The following TP53BP2 variants were observed in gnomAD, a reference collection of about 807,000 sequenced individuals.
TP53BP2 encodes the protein apoptosis-stimulating of p53 protein 2.
TP53BP2 carries 62 observed loss-of-function variants against 126.2 expected under a neutral mutation model. The observed-to-expected ratio is 0.49, with a 90% CI of 0.40 to 0.61. The LOEUF is 0.61. Among genes scored for constraint, TP53BP2 ranks in the 20% least tolerant of loss-of-function variants. The pLI, the probability that TP53BP2 is intolerant of heterozygous loss-of-function variation, is 0.00. For missense variants in TP53BP2, 1,215 were observed against 1,402.8 expected (o/e 0.87, Z 2.14); for synonymous variants, 485 against 502.9 (o/e 0.96, Z 0.48).
At chr1:223,801,777 G>C (rs1662533533) in intron 9 of TP53BP2, among the ~76,000 whole-genome samples, 1 of 152,206 alleles carries the variant, frequency 6.6e-6, no homozygotes, top group African/African-American at 2.4e-5. Flanking sequence ...AAACACATAT[G>C]TTTTTACCCA....
At position 223,796,790 on chromosome 1, in the gene TP53BP2, T is replaced by C. The variant is rs1662340868; in HGVS notation, c.1949-200A>G. Among the ~76,000 whole-genome samples the C allele has an allele frequency of 6.6e-6, 1 of 152,098 alleles. No individual in the cohort carries two copies. The highest frequency in any genetic ancestry group is 2.4e-5 in the African/African-American group (1 of 41,412). On this transcript the variant is annotated intron_variant, in intron 12 of 17. Transcript: ENST00000343537. This position sits in a 1 kb window ranked among gnomAD's most constrained non-coding sequence, Gnocchi z 4.2. Reference sequence around the variant, plus strand: ...TTTGCATAATAAACTTATTACAGAATCAAAACCCCCACTGATTGTAACATG... The same window carrying C: ...TTTGCATAATAAACTTATTACAGAACCAAAACCCCCACTGATTGTAACATG...
intron 15 of TP53BP2, 63 bp from the exon 16 acceptor site, chr1:223,789,237 A>G (rs1049524439): frequency 1.7e-5 from 26 of 1,565,204 alleles, no homozygotes; most frequent in Non-Finnish European, 2.0e-5. Flanking sequence ...TGCTGATAAG[A>G]TATCTGGAAA....
intron 1 of TP53BP2, among the ~76,000 whole-genome samples, chr1:223,843,181 C>CTTT (rs58598832): frequency 6.8e-6 from 1 of 146,370 alleles, no homozygotes. Flanking sequence ...TTTATTTGCA[C>CTTT]TTTTTTTTTT....
chr1:223,780,986 T>C lies in TP53BP2; in HGVS notation c.3364-92A>G, dbSNP rs546905271. 19 of 1,222,328 alleles carry C rather than the reference T, an allele frequency of 1.6e-5. No individual in the cohort carries two copies. In the East Asian group the frequency reaches 4.3e-4, roughly 28 times the overall value. The allele number at this position is 1,222,328 out of a possible 1,614,324, so 75.7% of individuals were successfully genotyped here. On this transcript the variant is annotated intron_variant, in intron 17 of 17. Coordinates refer to ENST00000343537, the MANE Select transcript of TP53BP2 (RefSeq NM_001031685.3). ...AAATAATGAGGTTAGGGGACAGATG[T>C]CATGGGAAGGAAATCAAAGTGAGAA...
chr1:223,830,537 TAAAAA>T (rs929029566), intron 1 of TP53BP2, among the ~76,000 whole-genome samples: 1 of 139,554 alleles, frequency 7.2e-6, no homozygotes, highest in Non-Finnish European at 1.6e-5. Flanking sequence ...GAATTTATCC[TAAAAA>T]AAAAAAAACT....
At chr1:223,795,777 G>C in intron 13 of TP53BP2, 38 bp downstream of exon 13, 1 of 1,408,734 alleles carries the variant, frequency 7.1e-7, no homozygotes, top group Non-Finnish European at 9.3e-7. Flanking sequence ...ACAAAGTAAA[G>C]GACTCCGGAA....
Position 223,796,151 on chromosome 1 carries a change from T to C in TP53BP2, c.2388A>G (p.Pro796=), listed in dbSNP as rs1296675935. 3.1e-6 allele frequency: 5 copies of C among 1,614,048 alleles called. No individual in the cohort carries two copies. In the African/African-American group the frequency reaches 4.0e-5, roughly 13 times the overall value. Residue 796 remains proline (P), a synonymous_variant, in exon 13 of 18, where the codon CCA becomes CCG. Transcript: ENST00000343537. This position sits in a 1 kb window ranked among gnomAD's most constrained non-coding sequence, Gnocchi z 4.2. Reference sequence around the variant, plus strand: ...CCTTTTCGGGCTCCACATGTAAATATGGATTCTGGATTTCTACTGGGCTTT... The same window carrying C: ...CCTTTTCGGGCTCCACATGTAAATACGGATTCTGGATTTCTACTGGGCTTT... ...SSESPVEIQN[P]YLHVEPEKEV...
Position 223,788,033 on chromosome 1 carries a change from C to A in TP53BP2, c.3163+975G>T, listed in dbSNP as rs149342530. On this transcript the variant is annotated intron_variant, in intron 16 of 17. Coordinates refer to ENST00000343537, the MANE Select transcript of TP53BP2 (RefSeq NM_001031685.3). ...ACAGTGGGCAATGACCATGCCACTG[C>A]ACTCCAGCCTGGGTGACAGAGTGAG... 7.9e-5 allele frequency among the ~76,000 whole-genome samples: 12 copies of A among 152,168 alleles called. No homozygotes were observed. In the East Asian group the frequency reaches 2.1e-3, roughly 27 times the overall value.
In TP53BP2 at chr1:223,780,326, G is replaced by T. The variant is rs1017925553; in HGVS notation, c.*527C>A. On this transcript the variant is annotated 3_prime_UTR_variant, in exon 18 of 18. Transcript: ENST00000343537. Reference sequence around the variant, plus strand: ...CAAAAACTCATATAATAAAGTTATTGTTCACTGACAACCAACTAACAGTTC... The same window carrying T: ...CAAAAACTCATATAATAAAGTTATTTTTCACTGACAACCAACTAACAGTTC... 6.6e-6 allele frequency: 1 copy of T among 152,390 alleles called. No homozygotes were observed. The highest frequency in any genetic ancestry group is 2.4e-5 in the African/African-American group (1 of 41,450). The allele number at this position is 152,390 out of a possible 1,614,324, so 9.4% of individuals were successfully genotyped here.
At chr1:223,839,657 C>T (rs552852522) in intron 1 of TP53BP2, among the ~76,000 whole-genome samples, 13 of 152,236 alleles carry the variant, frequency 8.5e-5, no homozygotes, top group African/African-American at 2.6e-4. Flanking sequence ...AGTGAAAGTT[C>T]GGCCAACTGC....
At chr1:223,785,171 C>T (rs1025850329) in intron 16 of TP53BP2, among the ~76,000 whole-genome samples, 1 of 152,182 alleles carries the variant, frequency 6.6e-6, no homozygotes, top group Non-Finnish European at 1.5e-5. Context: ...ATTATTTTCA[C>T]TTTTATAATT....
intron 17 of TP53BP2, among the ~76,000 whole-genome samples, 193 bp downstream of exon 17, chr1:223,783,922 G>A (rs1661859763): frequency 6.6e-6 from 1 of 152,114 alleles, no homozygotes; most frequent in African/African-American, 2.4e-5. Flanking sequence ...CTCCAGGGCT[G>A]GCAAACAGAT....
At chr1:223,822,288 A>G (rs1036376268) in intron 1 of TP53BP2, among the ~76,000 whole-genome samples, 3 of 152,238 alleles carry the variant, frequency 2.0e-5, no homozygotes, top group Non-Finnish European at 4.4e-5. Flanking sequence ...TTAACAAAGT[A>G]TAAGTAGAAA....
At chr1:223,836,457 T>C (rs1384067578) in intron 1 of TP53BP2, among the ~76,000 whole-genome samples, 2 of 152,222 alleles carry the variant, frequency 1.3e-5, no homozygotes, top group African/African-American at 2.4e-5. Flanking sequence ...ATTTCCATTA[T>C]GCAGCTAAAA....
At chr1:223,833,789 T>C (rs936002002) in intron 1 of TP53BP2, among the ~76,000 whole-genome samples, 4 of 152,184 alleles carry the variant, frequency 2.6e-5, no homozygotes, top group African/African-American at 9.7e-5. Context: ...ACTAAATACC[T>C]ATTAAGAAAG....
intron 1 of TP53BP2, among the ~76,000 whole-genome samples, chr1:223,833,006 ACTCT>A (rs1307611344): frequency 1.3e-5 from 2 of 152,040 alleles, no homozygotes; most frequent in Non-Finnish European, 2.9e-5. Flanking sequence ...TCAAAGAGAC[ACTCT>A]CTACCTCCCT....
chr1:223,833,851 G>A (rs1663826371), intron 1 of TP53BP2, among the ~76,000 whole-genome samples: 1 of 152,194 alleles, frequency 6.6e-6, no homozygotes, highest in African/African-American at 2.4e-5. Flanking sequence ...CTTCTTTAGG[G>A]CAGAGAAGAG....
intron 16 of TP53BP2, among the ~76,000 whole-genome samples, chr1:223,784,988 T>C (rs1015022098): frequency 6.6e-6 from 1 of 152,156 alleles, no homozygotes; most frequent in Admixed American, 6.6e-5. Context: ...TCACCAGAGT[T>C]AGTAACAGAT....
chr1:223,792,303 C>T, intron 15 of TP53BP2, 86 bp downstream of exon 15: 2 of 1,454,070 alleles, frequency 1.4e-6, no homozygotes, highest in South Asian at 1.3e-5. Flanking sequence ...TGACATACTT[C>T]TTTGTCTTCC....
Sources: gnomAD v4.1 joint callset for allele counts (sites outside exome capture counted in the v4.1 genomes callset) on GRCh38, gnomAD v4.1.1 for gene constraint, Gnocchi (gnomAD v3.1) non-coding constraint, MANE v1.5 for transcripts, NCBI Gene and HGNC (gene_info 2026-07-23, HGNC 2026-07-21) for gene names.